GPR55: variants seen among roughly 807,000 people sequenced by gnomAD.
The protein encoded by GPR55 is G-protein coupled receptor 55.
A neutral mutation model predicts 7.9 loss-of-function variants in GPR55; 6 were observed. That is an observed-to-expected ratio of 0.76 (90% CI 0.41 to 1.49). The LOEUF is 1.49. Ranked by LOEUF, GPR55 falls within the 40% of genes most tolerant of loss-of-function variation. The probability of loss-of-function intolerance (pLI) is 0.01; values close to 1 mark genes in which losing one functional copy is unlikely to be tolerated. For synonymous variants in GPR55, 183 were observed against 166.8 expected (o/e 1.10, Z -0.75); for missense variants, 376 against 406.0 (o/e 0.93, Z 0.63).
intron 1 of GPR55, among the ~76,000 whole-genome samples, chr2:230,934,922 C>A (rs1373144524): frequency 1.3e-5 from 2 of 152,104 alleles, no homozygotes; most frequent in African/African-American, 4.8e-5. Flanking sequence ...TTCCCCCACC[C>A]CCACCCAGGA....
intron 1 of GPR55, among the ~76,000 whole-genome samples, chr2:230,935,708 T>C (rs192731138): frequency 6.6e-6 from 1 of 152,316 alleles, no homozygotes; most frequent in East Asian, 1.9e-4. Context: ...GGGTACGGAA[T>C]ACCGACACAG....
chr2:230,956,489 T>C (rs1016486765), intron 1 of GPR55, among the ~76,000 whole-genome samples: 3 of 152,178 alleles, frequency 2.0e-5, no homozygotes, highest in African/African-American at 7.2e-5. Context: ...TTTTTAAATA[T>C]CAAACTTGCA....
chr2:230,928,987 T>A (rs1237724889), upstream of GPR55, among the ~76,000 whole-genome samples: 1 of 152,168 alleles, frequency 6.6e-6, no homozygotes, highest in Non-Finnish European at 1.5e-5. Context: ...CCGGGAACAC[T>A]TCTGTTCCCA....
At chr2:230,921,212 A>AAAACGG (rs1553541248) in intron 1 of GPR55, among the ~76,000 whole-genome samples, 8 of 151,914 alleles carry the variant, frequency 5.3e-5, no homozygotes, top group Non-Finnish European at 1.2e-4. Flanking sequence ...GAAATTTTAA[A>AAAACGG]AAATGGAAAT....
chr2:230,919,324 T>G (rs1407028958), intron 1 of GPR55, among the ~76,000 whole-genome samples: 1 of 152,166 alleles, frequency 6.6e-6, no homozygotes, highest in East Asian at 1.9e-4. Flanking sequence ...AAAAAAATTC[T>G]TTTTGCTAAA....
At chr2:230,940,661 G>A (rs1454966043) in intron 1 of GPR55, among the ~76,000 whole-genome samples, 1 of 152,206 alleles carries the variant, frequency 6.6e-6, no homozygotes, top group African/African-American at 2.4e-5. Flanking sequence ...TGCCTCCCTG[G>A]GGGCCCATGC....
intron 1 of GPR55, among the ~76,000 whole-genome samples, chr2:230,948,914 C>CA (rs1387130253): frequency 6.6e-6 from 1 of 151,998 alleles, no homozygotes; most frequent in Non-Finnish European, 1.5e-5. Context: ...CCTATCTTTA[C>CA]AAAAAATAGT....
chr2:230,929,934 T>G (rs1574627782), upstream of GPR55: 2 of 152,396 alleles, frequency 1.3e-5, no homozygotes, highest in East Asian at 3.9e-4. Flanking sequence ...TCTGGCTCTG[T>G]CTCATCCAGG....
At chr2:230,948,920 A>C (rs1691356942) in intron 1 of GPR55, among the ~76,000 whole-genome samples, 1 of 152,126 alleles carries the variant, frequency 6.6e-6, no homozygotes. Context: ...TTTACAAAAA[A>C]TAGTCCGGTT....
intron 1 of GPR55, among the ~76,000 whole-genome samples, chr2:230,956,837 C>T (rs943069466): frequency 1.3e-5 from 2 of 152,074 alleles, no homozygotes; most frequent in Admixed American, 6.6e-5. Context: ...TCTTTCATGA[C>T]GTTGACATTC....
intron 1 of GPR55, among the ~76,000 whole-genome samples, chr2:230,932,696 T>A (rs566501981): frequency 6.6e-6 from 1 of 152,270 alleles, no homozygotes; most frequent in African/African-American, 2.4e-5. Flanking sequence ...CCCCAATCTC[T>A]TGCTTCGTGT....
At chr2:230,952,177 A>G (rs1001788166) in intron 1 of GPR55, among the ~76,000 whole-genome samples, 1 of 152,254 alleles carries the variant, frequency 6.6e-6, no homozygotes, top group Non-Finnish European at 1.5e-5. Flanking sequence ...TGCAGGCAGC[A>G]GGCCAAGGCC....
intron 1 of GPR55, among the ~76,000 whole-genome samples, chr2:230,959,325 A>G (rs1159934510): frequency 1.3e-5 from 2 of 152,216 alleles, no homozygotes; most frequent in African/African-American, 2.4e-5. Flanking sequence ...GTGCATGCCT[A>G]TAGTCCCAGC....
At chr2:230,932,206 G>A (rs192862756) in intron 1 of GPR55, among the ~76,000 whole-genome samples, 9 of 152,334 alleles carry the variant, frequency 5.9e-5, no homozygotes, top group Non-Finnish European at 1.3e-4. Context: ...TTCTCTGGGC[G>A]CCTGCCCGTC....
chr2:230,939,827 G>C (rs1030332831), intron 1 of GPR55, among the ~76,000 whole-genome samples: 4 of 152,058 alleles, frequency 2.6e-5, no homozygotes, highest in East Asian at 1.9e-4. Flanking sequence ...TCCTTGTTTC[G>C]GGAGGAAGCC....
At chr2:230,959,582 C>T (rs996694060) in intron 1 of GPR55, among the ~76,000 whole-genome samples, 4 of 152,180 alleles carry the variant, frequency 2.6e-5, no homozygotes, top group African/African-American at 4.8e-5. Context: ...CAAGGACGTC[C>T]AGTGAGTGAC....
At chr2:230,912,485 A>G (rs1407724668) in intron 1 of GPR55, among the ~76,000 whole-genome samples, 1 of 152,132 alleles carries the variant, frequency 6.6e-6, no homozygotes, top group South Asian at 2.1e-4. Flanking sequence ...GCTGGAGTGC[A>G]GTGGCACAAT....
chr2:230,929,394 G>A (rs1028893443), upstream of GPR55, among the ~76,000 whole-genome samples: 2 of 152,208 alleles, frequency 1.3e-5, no homozygotes, highest in African/African-American at 4.8e-5. Flanking sequence ...GCTGAGGTCA[G>A]TGATGCTTAA....
At chr2:230,945,327 C>A (rs73095537) in intron 1 of GPR55, among the ~76,000 whole-genome samples, 15,885 of 151,700 alleles carry the variant, frequency 0.1, 2,196 homozygotes, top group African/African-American at 0.32. Flanking sequence ...CAAGGGCAAG[C>A]GCTGGATAGA....
Sources: allele counts gnomAD v4.1 joint callset (sites outside exome capture counted in the v4.1 genomes callset), GRCh38; gene constraint gnomAD v4.1.1; transcripts MANE v1.5; gene names NCBI Gene and HGNC (gene_info 2026-07-23, HGNC 2026-07-21).